Variants in CHD5 observed in about 807,000 individuals in gnomAD.
CHD5 encodes the protein ATP-dependent chromatin remodeler CHD5.
In CHD5, 69 loss-of-function variants were observed where a neutral mutation model predicts 230.3. The observed-to-expected ratio is 0.30, with a 90% CI of 0.25 to 0.37. The LOEUF is 0.37. Among genes scored for constraint, CHD5 ranks in the 10% least tolerant of loss-of-function variants. The probability of loss-of-function intolerance (pLI) is 1.00; values close to 1 mark genes in which losing one functional copy is unlikely to be tolerated. For missense variants in CHD5, 1,827 were observed against 2,622.8 expected (o/e 0.70, Z 6.63); for synonymous variants, 1,064 against 1,065.9 (o/e 1.00, Z 0.03).
At chr1:6,106,817 T>TGGA (rs1258701204) in intron 38 of CHD5, 38 bp from the exon 39 acceptor site, 1 of 1,320,594 alleles carries the variant, frequency 7.6e-7, no homozygotes, top group Non-Finnish European at 9.9e-7. Context: ...GATGCAGGGA[T>TGGA]GGAGGGGTGG....
In CHD5 at chr1:6,134,914, T is replaced by G; in HGVS notation, c.2871-55A>C. The G allele has an allele frequency of 6.2e-7, 1 of 1,606,512 alleles. No homozygotes were observed. Among genetic ancestry groups the G allele is most frequent in the Non-Finnish European group, 8.5e-7 (1 of 1,174,362 alleles). On this transcript the variant is annotated intron_variant, in intron 18 of 41. Coordinates refer to ENST00000262450, the MANE Select transcript of CHD5 (RefSeq NM_015557.3). This position sits in a 1 kb window ranked among gnomAD's most constrained non-coding sequence, Gnocchi z 6.3. ...GGGTCAGACCCGCCTCCATGAGGGC[T>G]CTCTCTGCTCTGCAGTGGGGCTGGA... is the stretch of plus-strand genomic sequence containing the variant.
At position 6,146,642 on chromosome 1, in the gene CHD5, C is replaced by T. The variant is rs139017381; in HGVS notation, c.1590+23G>A. 1.2e-4 allele frequency: 190 copies of T among 1,612,088 alleles called. 1 individual carries two copies. The South Asian group carries it at 1.2e-3, about 10-fold the overall frequency. ...GCTCACCAGGTCCCGGGCCTTAGCA[C>T]AGCCACCCTCCCGGGCACTCACCTG... On this transcript the variant is annotated intron_variant, in intron 10 of 41. Transcript: ENST00000262450. This position sits in a 1 kb window ranked among gnomAD's most constrained non-coding sequence, Gnocchi z 5.1.
chr1:6,166,788 C>T (rs895674856), intron 2 of CHD5, among the ~76,000 whole-genome samples: 8 of 152,130 alleles, frequency 5.3e-5, no homozygotes, highest in Non-Finnish European at 1.2e-4. Flanking sequence ...CCATCTCTCC[C>T]ACCCCAGGGC....
In CHD5 at chr1:6,130,175, G is replaced by A. The variant is rs2100847398; in HGVS notation, c.3387+29C>T. ...GAGGCCCGGGATGAGAGGCCCCCTGGGAGGGTGGTGGGCGGCAGCAGCACA... is the reference window on the plus strand; with the variant it reads ...GAGGCCCGGGATGAGAGGCCCCCTGAGAGGGTGGTGGGCGGCAGCAGCACA... On this transcript the variant is annotated intron_variant, in intron 22 of 41. Transcript: ENST00000262450. The surrounding 1 kb of genome is among the most constrained non-coding windows in gnomAD (Gnocchi z 4.9). The A allele has an allele frequency of 6.2e-7, 1 of 1,612,484 alleles. No individual in the cohort carries two copies. Among genetic ancestry groups the A allele is most frequent in the Non-Finnish European group, 8.5e-7 (1 of 1,178,896 alleles).
intron 3 of CHD5, among the ~76,000 whole-genome samples, chr1:6,158,594 C>T (rs898371829): frequency 6.6e-6 from 1 of 152,170 alleles, no homozygotes; most frequent in Non-Finnish European, 1.5e-5. Flanking sequence ...AGCCACTGCA[C>T]TCCAGCCTGG....
rs150912370 is a variant in CHD5, at chr1:6,146,104, C to G, written c.1802+108G>C. ...CCCACATGTGGTTCTGCACGGCAGC[C>G]CCAAAGCAAGGGCCCTGGCACCCTG... is the stretch of plus-strand genomic sequence containing the variant. On this transcript the variant is annotated intron_variant, in intron 11 of 41. Coordinates refer to ENST00000262450, the MANE Select transcript of CHD5 (RefSeq NM_015557.3). The surrounding 1 kb of genome is among the most constrained non-coding windows in gnomAD (Gnocchi z 5.1). 3.2e-3 allele frequency: 3,545 copies of G among 1,107,100 alleles called. 82 individuals carry two copies. In the African/African-American group the frequency reaches 0.048, roughly 15 times the overall value. The allele number at this position is 1,107,100 out of a possible 1,614,324, so 68.6% of individuals were successfully genotyped here.
At chr1:6,162,464 A>C (rs1435626864) in intron 2 of CHD5, among the ~76,000 whole-genome samples, 1 of 152,172 alleles carries the variant, frequency 6.6e-6, no homozygotes, top group Non-Finnish European at 1.5e-5. Flanking sequence ...AAGCACAGAG[A>C]AGCAGGGCTC....
At position 6,116,124 on chromosome 1, in the gene CHD5, G is replaced by C. The variant is rs12040670; in HGVS notation, c.4913-3126C>G. On this transcript the variant is annotated intron_variant, in intron 33 of 41. Transcript: ENST00000262450. ...ACAACACGTATTTCTGTTTATTGTGGATTGCCTGTGTTCCCCAGTGGAATA... is the reference window on the plus strand; with the variant it reads ...ACAACACGTATTTCTGTTTATTGTGCATTGCCTGTGTTCCCCAGTGGAATA... Among the ~76,000 whole-genome samples the C allele has an allele frequency of 2.6e-4, 40 of 152,210 alleles. No individual in the cohort carries two copies. In the South Asian group the frequency reaches 8.3e-3, roughly 32 times the overall value.
intron 3 of CHD5, among the ~76,000 whole-genome samples, chr1:6,158,276 G>A (rs1016734790): frequency 5.9e-5 from 9 of 152,172 alleles, no homozygotes; most frequent in African/African-American, 2.2e-4. Context: ...GGGCCCAGGG[G>A]AGAGCTGGCC....
chr1:6,146,356 G>T lies in CHD5; in HGVS notation c.1658C>A (p.Pro553His), dbSNP rs375622476. Reference protein sequence around the residue: ...QRKNDMDEPPPFDYGSGDEDG... With the variant: ...QRKNDMDEPPHFDYGSGDEDG... ...TTCATCCCCAGAGCCGTAGTCAAAG[G>T]GGGGCGGCTCATCCATGTCGTTCTT... The change falls in exon 11 of 42, where the codon CCC becomes CAC. Residue 553 changes from proline to histidine, a missense_variant. By Grantham distance (77) the Pro-to-His change is moderately conservative. Transcript: ENST00000262450. This position sits in a 1 kb window ranked among gnomAD's most constrained non-coding sequence, Gnocchi z 5.1. 3 of 1,614,112 alleles carry T rather than the reference G, an allele frequency of 1.9e-6. No individual in the cohort carries two copies. The highest frequency in any genetic ancestry group is 2.2e-5 in the South Asian group (2 of 91,082).
At chr1:6,157,673 A>G (rs1375490008) in intron 3 of CHD5, among the ~76,000 whole-genome samples, 1 of 152,140 alleles carries the variant, frequency 6.6e-6, no homozygotes, top group Non-Finnish European at 1.5e-5. Flanking sequence ...AATTCCTCAC[A>G]TGGGGCCCCC....
chr1:6,163,091 G>T (rs114547231), intron 2 of CHD5, among the ~76,000 whole-genome samples: 1,857 of 152,290 alleles, frequency 0.012, 41 homozygotes, highest in African/African-American at 0.042. Context: ...GACAGGGCTC[G>T]CCCAGCGTCC....
Position 6,106,637 on chromosome 1 carries a change from G to C in CHD5, c.5721C>G (p.Ala1907=). 1.3e-6 allele frequency: 2 copies of C among 1,590,150 alleles called. No homozygotes were observed. The highest frequency in any genetic ancestry group is 8.6e-7 in the Non-Finnish European group (1 of 1,168,892). The stretch of plus-strand genomic sequence containing the variant: ...TGACCTGCTGGATGGTGGGGTCCCC[G>C]GCGCGGTTGGTCAGGCGGCTCAGGA... ...RSILSRLTNR[A]GDPTIQQGAF... is the part of the protein sequence containing the mutation. The change falls in exon 39 of 42, where the codon GCC becomes GCG. Residue 1907 remains alanine (A), a synonymous_variant. Transcript: ENST00000262450.
At chr1:6,143,705 T>A in intron 13 of CHD5, 118 bp downstream of exon 13, 1 of 885,386 alleles carries the variant, frequency 1.1e-6, no homozygotes, top group Admixed American at 2.0e-5. Context: ...ACTGTCTGCA[T>A]AAGCCATGAG....
rs1319866472 is a variant in CHD5 at position 6,144,030 on chromosome 1, C to T, written c.1928G>A (p.Gly643Asp). ...CCGGATCCCTGCGACCCACCTGTGG[C>T]CCCAGTAGGCCTGCTTGAGGTTGTC... ...YYDNLKQAYW[G>D]HRELMLGEDT... is the part of the protein sequence containing the mutation. The change falls in exon 12 of 42, where the codon GGC (glycine) becomes GAC (aspartate). Residue 643 changes from glycine (G) to aspartate (D), a missense_variant. Gly to Asp is a moderately conservative substitution (Grantham distance 94). This residue lies in a region of CHD5 where 657 missense variants were observed against 816.4 expected (regional missense o/e 0.80). Coordinates refer to ENST00000262450, the MANE Select transcript of CHD5 (RefSeq NM_015557.3). 6 of 1,614,172 alleles carry T rather than the reference C, an allele frequency of 3.7e-6. No homozygotes were observed. Among genetic ancestry groups the T allele is most frequent in the Admixed American group, 1.7e-5 (1 of 60,026 alleles).
rs1207309390 is a variant in CHD5, at chr1:6,180,236, C to G, written c.-213G>C. On this transcript the variant is annotated 5_prime_UTR_variant, in exon 1 of 42. Transcript: ENST00000262450. ...CGCCTTAGCCTGCTCCCCGCAAAGC[C>G]CGGGCGCTCCTCCCACCGCGCCCCG... is the stretch of plus-strand genomic sequence containing the variant. 3.5e-4 allele frequency: 63 copies of G among 180,082 alleles called. 2 individuals carry two copies. The East Asian group carries it at 8.1e-3, about 23-fold the overall frequency. The allele number at this position is 180,082 out of a possible 1,614,324, so 11.2% of individuals were successfully genotyped here. A position where few individuals can be genotyped will look rare whatever the true frequency, so the allele number is the denominator to read the frequency against.
chr1:6,106,835 G>C lies in CHD5; in HGVS notation c.5579-56C>G, dbSNP rs531591376. On this transcript the variant is annotated intron_variant, in intron 38 of 41. Coordinates refer to ENST00000262450, the MANE Select transcript of CHD5 (RefSeq NM_015557.3). ...GCAGGGATGGAGGGGTGGAGGGATG[G>C]AGGAGTGGAAGGATGGAGGGATGGA... 1.8e-5 allele frequency: 24 copies of C among 1,329,154 alleles called. No individual in the cohort carries two copies. The East Asian group carries it at 2.8e-4, about 15-fold the overall frequency. The allele number at this position is 1,329,154 out of a possible 1,614,324, so 82.3% of individuals were successfully genotyped here. A position where few individuals can be genotyped will look rare whatever the true frequency, so the allele number is the denominator to read the frequency against.
intron 33 of CHD5, among the ~76,000 whole-genome samples, chr1:6,118,369 AC>A (rs1436565628): frequency 1.5e-5 from 2 of 135,410 alleles, no homozygotes; most frequent in Admixed American, 7.8e-5. Context: ...ATAGAGCAAG[AC>A]CCTGTCTCAA....
In CHD5 at chr1:6,136,713, G is replaced by T. The variant is rs777693875; in HGVS notation, c.2574+15C>A. On this transcript the variant is annotated intron_variant, in intron 16 of 41. Transcript: ENST00000262450. Reference sequence around the variant, plus strand: ...CCCCGGGAAGCTCTGGGGTCTGGCGGCCAGCGCCACCTACCTTGGACTGGT... The same window carrying T: ...CCCCGGGAAGCTCTGGGGTCTGGCGTCCAGCGCCACCTACCTTGGACTGGT... 1 of 1,610,386 alleles carries T rather than the reference G, an allele frequency of 6.2e-7. No homozygotes were observed. Among genetic ancestry groups the T allele is most frequent in the South Asian group, 1.1e-5 (1 of 90,924 alleles).
Sources: gnomAD v4.1 joint callset for allele counts (sites outside exome capture counted in the v4.1 genomes callset) on GRCh38, gnomAD v4.1.1 for gene constraint, gnomAD v4.1.1 regional missense constraint, Gnocchi (gnomAD v3.1) non-coding constraint, MANE v1.5 for transcripts, NCBI Gene and HGNC (gene_info 2026-07-23, HGNC 2026-07-21) for gene names.